Variants in ONECUT2 observed in about 807,000 individuals in gnomAD.
ONECUT2 encodes the protein one cut domain family member 2.
Under a neutral mutation model 27.9 loss-of-function variants are expected in ONECUT2, and 10 were observed. That is an observed-to-expected ratio of 0.36 (90% CI 0.22 to 0.61). The LOEUF (loss-of-function observed/expected upper bound fraction) is 0.61. Ranked by LOEUF, ONECUT2 falls within the 20% of genes least tolerant of loss-of-function variation. ONECUT2 has a pLI of 0.73. For synonymous variants in ONECUT2, 334 were observed against 315.1 expected (o/e 1.06, Z -0.64); for missense variants, 686 against 721.0 (o/e 0.95, Z 0.56).
Position 57,478,876 on chromosome 18 carries a change from A to T in ONECUT2, c.*2153A>T, listed in dbSNP as rs369861846. 2.4e-4 allele frequency: 36 copies of T among 152,560 alleles called. 2 individuals carry two copies. The highest frequency in any genetic ancestry group is 8.4e-4 in the African/African-American group (35 of 41,576). The allele number at this position is 152,560 out of a possible 1,614,324, so 9.5% of individuals were successfully genotyped here. On this transcript the variant is annotated 3_prime_UTR_variant, in exon 2 of 2. Transcript: ENST00000491143. ...AATCAATTATGTTTCTCTGAGCAAC[A>T]AAAGGAAAGGGCCATTTATTTGATT...
At chr18:57,445,280 G>A (rs1031376918) in intron 1 of ONECUT2, among the ~76,000 whole-genome samples, 2 of 152,176 alleles carry the variant, frequency 1.3e-5, no homozygotes, top group Non-Finnish European at 2.9e-5. Flanking sequence ...AAAGAGAGAG[G>A]ATTTGGAGTT....
chr18:57,452,217 G>T (rs993615888), intron 1 of ONECUT2, among the ~76,000 whole-genome samples: 1 of 151,954 alleles, frequency 6.6e-6, no homozygotes, highest in Non-Finnish European at 1.5e-5. Context: ...TGATCTTCTC[G>T]ACTAGATCAT....
chr18:57,458,246 C>T (rs2122125632), intron 1 of ONECUT2, among the ~76,000 whole-genome samples: 1 of 152,260 alleles, frequency 6.6e-6, no homozygotes, highest in East Asian at 1.9e-4. Flanking sequence ...CATTAATGAT[C>T]AGAATAAAGT....
At chr18:57,460,182 C>T (rs1326149717) in intron 1 of ONECUT2, among the ~76,000 whole-genome samples, 1 of 151,944 alleles carries the variant, frequency 6.6e-6, no homozygotes, top group East Asian at 1.9e-4. Flanking sequence ...CCACCTCAGC[C>T]TGTGTGCTGG....
chr18:57,462,041 C>T (rs971157631), intron 1 of ONECUT2, among the ~76,000 whole-genome samples: 5 of 152,252 alleles, frequency 3.3e-5, no homozygotes, highest in African/African-American at 9.6e-5. Context: ...TGCCCTCCCA[C>T]CAGCAGCCTA....
chr18:57,470,525 C>A (rs1402257545), intron 1 of ONECUT2, among the ~76,000 whole-genome samples: 1 of 152,160 alleles, frequency 6.6e-6, no homozygotes, highest in Non-Finnish European at 1.5e-5. Flanking sequence ...TGGGACTCAC[C>A]TCACTGTGCC....
At chr18:57,441,027 G>A (rs2050171393) in intron 1 of ONECUT2, among the ~76,000 whole-genome samples, 1 of 152,224 alleles carries the variant, frequency 6.6e-6, no homozygotes, top group African/African-American at 2.4e-5. Context: ...CACGCATCAG[G>A]GTGGGCGGGA....
At chr18:57,450,260 G>C (rs560568359) in intron 1 of ONECUT2, among the ~76,000 whole-genome samples, 10 of 152,080 alleles carry the variant, frequency 6.6e-5, no homozygotes, top group African/African-American at 1.7e-4. Context: ...TGCAACATCC[G>C]TCTCCAGGGT....
Position 57,435,622 on chromosome 18 carries a change from G to A in ONECUT2, c.-95G>A. 2.1e-6 allele frequency: 2 copies of A among 948,064 alleles called. No homozygotes were observed. The highest frequency in any genetic ancestry group is 2.5e-6 in the Non-Finnish European group (2 of 801,110). 58.7% of individuals were successfully genotyped at this position (948,064 alleles called of 1,614,324 possible). ...CTCCTCTCCACTCACTCCCGCGCCC[G>A]CCCCCACTCCCGCAGCCGAGCCCCG... On this transcript the variant is annotated 5_prime_UTR_variant, in exon 1 of 2. Coordinates refer to ENST00000491143, the MANE Select transcript of ONECUT2 (RefSeq NM_004852.3).
chr18:57,435,649 CACGCGCGCCTTG>C lies in ONECUT2; in HGVS notation c.-67_-56del. On this transcript the variant is annotated 5_prime_UTR_variant, in exon 1 of 2. Coordinates refer to ENST00000491143, the MANE Select transcript of ONECUT2 (RefSeq NM_004852.3). ...CCCCACTCCCGCAGCCGAGCCCCGCCACGCGCGCCTTGCCCGCCCGCCGGCCGCCCCCGCCGC... is the reference window on the plus strand; with the variant it reads ...CCCCACTCCCGCAGCCGAGCCCCGCCCCCGCCCGCCGGCCGCCCCCGCCGC... 1 of 1,001,272 alleles carries C rather than the reference CACGCGCGCCTTG, an allele frequency of 1.0e-6. No homozygotes were observed. Among genetic ancestry groups the C allele is most frequent in the South Asian group, 4.5e-5 (1 of 22,234 alleles). The allele number at this position is 1,001,272 out of a possible 1,614,324, so 62.0% of individuals were successfully genotyped here. A position where few individuals can be genotyped will look rare whatever the true frequency, so the allele number is the denominator to read the frequency against.
rs1262074902 is a variant in ONECUT2, at chr18:57,476,604, G to A, written c.1396G>A (p.Glu466Lys). The change falls in exon 2 of 2, where the codon GAG (glutamate) becomes AAG (lysine). Residue 466 changes from glutamate (E) to lysine (K), a missense_variant. By Grantham distance (56) the Glu-to-Lys change is moderately conservative (BLOSUM62 1). Around this residue, in one of 4 missense-constraint regions of ONECUT2, gnomAD observed 77 missense variants for 105.5 expected, o/e 0.73. Transcript: ENST00000491143. ...QITISQQLGL[E>K]LTTVSNFFMN... ...CACCATTTCCCAGCAGCTGGGCCTG[G>A]AGCTCACAACCGTCAGCAACTTCTT... 3.7e-6 allele frequency: 6 copies of A among 1,614,142 alleles called. No homozygotes were observed. Among genetic ancestry groups the A allele is most frequent in the Non-Finnish European group, 5.1e-6 (6 of 1,180,028 alleles).
Position 57,483,661 on chromosome 18 carries a change from A to G in ONECUT2, c.*6938A>G, listed in dbSNP as rs1299137863. On this transcript the variant is annotated 3_prime_UTR_variant, in exon 2 of 2. Transcript: ENST00000491143. ...TGAAGTTTAGTTTGCTTTATAAAGC[A>G]GTGAAATTCTGTTACAGACAGGGAA... The G allele has an allele frequency of 6.6e-6, 1 of 152,660 alleles. No individual in the cohort carries two copies. Among genetic ancestry groups the G allele is most frequent in the Non-Finnish European group, 1.5e-5 (1 of 68,044 alleles). The allele number at this position is 152,660 out of a possible 1,614,324, so 9.5% of individuals were successfully genotyped here.
At chr18:57,470,294 G>A (rs893285784) in intron 1 of ONECUT2, among the ~76,000 whole-genome samples, 5 of 152,272 alleles carry the variant, frequency 3.3e-5, no homozygotes, top group Middle Eastern at 3.4e-3. Context: ...ATTCTGACCC[G>A]GTGTTGAGTT....
At chr18:57,459,854 C>A (rs1029480451) in intron 1 of ONECUT2, among the ~76,000 whole-genome samples, 2 of 150,758 alleles carry the variant, frequency 1.3e-5, no homozygotes, top group Non-Finnish European at 3.0e-5. Flanking sequence ...CCACCATGCC[C>A]GGCCCAAATA....
chr18:57,443,904 A>T (rs1280529447), intron 1 of ONECUT2, among the ~76,000 whole-genome samples: 1 of 152,248 alleles, frequency 6.6e-6, no homozygotes, highest in Non-Finnish European at 1.5e-5. Context: ...TTCTGTAGAA[A>T]GCAGACTTTG....
intron 1 of ONECUT2, among the ~76,000 whole-genome samples, chr18:57,451,842 T>G: frequency 6.6e-6 from 1 of 151,984 alleles, no homozygotes; most frequent in East Asian, 1.9e-4. Flanking sequence ...GTTCCATTGG[T>G]GAAAGCAAGT....
chr18:57,449,966 T>TAAGGGAGATAGGGGAGG (rs1388239031), intron 1 of ONECUT2, among the ~76,000 whole-genome samples: 1 of 152,204 alleles, frequency 6.6e-6, no homozygotes, highest in African/African-American at 2.4e-5. Flanking sequence ...CCCATGGCTC[T>TAAGGGAGATAGGGGAGG]GGAGGGGAGA....
chr18:57,483,831 G>A lies in ONECUT2; in HGVS notation c.*7108G>A, dbSNP rs1329926090. On this transcript the variant is annotated 3_prime_UTR_variant, in exon 2 of 2. Coordinates refer to ENST00000491143, the MANE Select transcript of ONECUT2 (RefSeq NM_004852.3). ...AGGCGAACTTCACCTCTTAATTATT[G>A]TGGCCCTCGGAGCCTTCATATTGTA... 1 of 152,514 alleles carries A rather than the reference G, an allele frequency of 6.6e-6. No individual in the cohort carries two copies. The highest frequency in any genetic ancestry group is 6.6e-5 in the Admixed American group (1 of 15,260). 9.4% of individuals were successfully genotyped at this position (152,514 alleles called of 1,614,324 possible).
intron 1 of ONECUT2, among the ~76,000 whole-genome samples, chr18:57,448,529 T>C (rs1383259695): frequency 6.6e-6 from 1 of 152,246 alleles, no homozygotes; most frequent in African/African-American, 2.4e-5. Context: ...GGGTGTTAAA[T>C]GTATTTTGTA....
Sources: gnomAD v4.1 joint callset for allele counts (sites outside exome capture counted in the v4.1 genomes callset) on GRCh38, gnomAD v4.1.1 for gene constraint, gnomAD v4.1.1 regional missense constraint, MANE v1.5 for transcripts, NCBI Gene and HGNC (gene_info 2026-07-23, HGNC 2026-07-21) for gene names.